Variants in ULK4 observed in about 807,000 individuals in gnomAD.
The protein encoded by ULK4 is inactive serine/threonine-protein kinase ULK4.
ULK4 carries 133 observed loss-of-function variants against 160.6 expected under a neutral mutation model. That is an observed-to-expected ratio of 0.83 (90% CI 0.72 to 0.96). The LOEUF is 0.96. Among genes scored for constraint, ULK4 ranks in the 40% least tolerant of loss-of-function variants. ULK4 has a pLI of 0.00. For synonymous variants in ULK4, 534 were observed against 539.8 expected, an observed-to-expected ratio of 0.99 and a Z score of 0.15; for missense variants, 1,580 against 1,499.5, an observed-to-expected ratio of 1.05 and a Z score of -0.89.
chr3:41,936,267 A>T (rs1391758225), intron 3 of ULK4, among the ~76,000 whole-genome samples: 2 of 152,242 alleles, frequency 1.3e-5, no homozygotes, highest in African/African-American at 4.8e-5. Context: ...CTTAAATCAC[A>T]TTATGCAAAG....
intron 27 of ULK4, among the ~76,000 whole-genome samples, chr3:41,683,388 G>A (rs543724049): frequency 1.3e-5 from 2 of 151,964 alleles, no homozygotes; most frequent in East Asian, 2.0e-4. Context: ...GCTTGTCTGC[G>A]ATCACCAGAC....
chr3:41,946,301 C>T (rs1243729504), intron 2 of ULK4, among the ~76,000 whole-genome samples: 1 of 152,010 alleles, frequency 6.6e-6, no homozygotes, highest in Non-Finnish European at 1.5e-5. Context: ...AAGTACATAC[C>T]ATAGGAACCC....
At chr3:41,674,687 G>T (rs138300594) in intron 29 of ULK4, among the ~76,000 whole-genome samples, 1 of 152,178 alleles carries the variant, frequency 6.6e-6, no homozygotes, top group African/African-American at 2.4e-5. Flanking sequence ...CACCAACTTA[G>T]TAAGTACATA....
chr3:41,585,882 A>C (rs1001474658), intron 31 of ULK4, among the ~76,000 whole-genome samples: 1 of 152,198 alleles, frequency 6.6e-6, no homozygotes, highest in Admixed American at 6.5e-5. Flanking sequence ...GATGAAATAC[A>C]AATTGCCAAC....
intron 20 of ULK4, among the ~76,000 whole-genome samples, chr3:41,795,279 G>T (rs1575721868): frequency 1.3e-5 from 2 of 152,160 alleles, no homozygotes; most frequent in East Asian, 3.9e-4. Context: ...TTTTTGTTAA[G>T]ATTATGATGT....
rs1471670552 is a variant in ULK4 at position 41,420,471 on chromosome 3, CTTTCTTTTTTTT to C, written c.3493-22219_3493-22208del. On this transcript the variant is annotated intron_variant, in intron 34 of 36. Coordinates refer to ENST00000301831, the MANE Select transcript of ULK4 (RefSeq NM_017886.4). The stretch of plus-strand genomic sequence containing the variant: ...TAAGGGATTTTTCAGTTTTCCAGTT[CTTTCTTTTTTTT>C]TTTTTTTTTTTTTTTTTGAGATGGA... Among the ~76,000 whole-genome samples, 6 of 63,248 alleles carry C rather than the reference CTTTCTTTTTTTT, an allele frequency of 9.5e-5. No individual in the cohort carries two copies. In the East Asian group the frequency reaches 1.6e-3, roughly 16 times the overall value. 41.5% of individuals were successfully genotyped at this position (63,248 alleles called of 152,430 possible).
intron 29 of ULK4, among the ~76,000 whole-genome samples, chr3:41,673,343 C>T (rs754165477): frequency 5.3e-5 from 8 of 152,188 alleles, no homozygotes; most frequent in Middle Eastern, 3.4e-3. Context: ...GTCAAACGCA[C>T]GACTTTTGCT....
intron 34 of ULK4, among the ~76,000 whole-genome samples, chr3:41,430,237 A>G (rs902648179): frequency 6.6e-6 from 1 of 152,244 alleles, no homozygotes; most frequent in East Asian, 1.9e-4. Context: ...TACAACTGAA[A>G]GAAGAAAATT....
At chr3:41,370,402 A>G (rs1164767553) in intron 35 of ULK4, among the ~76,000 whole-genome samples, 2 of 152,200 alleles carry the variant, frequency 1.3e-5, no homozygotes, top group African/African-American at 4.8e-5. Context: ...AGCTCCCAGC[A>G]AGACCAACCC....
intron 34 of ULK4, among the ~76,000 whole-genome samples, chr3:41,426,635 T>C (rs1225134718): frequency 1.3e-5 from 2 of 152,050 alleles, no homozygotes; most frequent in East Asian, 1.9e-4. Context: ...CACAACTACA[T>C]AGAAATCGAA....
chr3:41,698,921 A>G (rs1230874926), intron 27 of ULK4, among the ~76,000 whole-genome samples: 5 of 152,152 alleles, frequency 3.3e-5, no homozygotes, highest in Non-Finnish European at 7.3e-5. Context: ...CTTTAGCTCA[A>G]CATTAAATTT....
Position 41,258,836 on chromosome 3 carries a change from TAGAC to T in ULK4, c.3679-9266_3679-9263del, listed in dbSNP as rs570091127. On this transcript the variant is annotated intron_variant, in intron 35 of 36. Coordinates refer to ENST00000301831, the MANE Select transcript of ULK4 (RefSeq NM_017886.4). Reference sequence around the variant, plus strand: ...TACTAAATACATAAATTTCACCTGGTAGACAGGTAATTTTCAAAACATGGGGTCT... The same window carrying T: ...TACTAAATACATAAATTTCACCTGGTAGGTAATTTTCAAAACATGGGGTCT... 3.1e-3 allele frequency among the ~76,000 whole-genome samples: 469 copies of T among 152,154 alleles called. 2 individuals are homozygous for T. Among genetic ancestry groups the T allele is most frequent in the Middle Eastern group, 0.01 (3 of 294 alleles).
chr3:41,675,278 A>C (rs1288995421), intron 29 of ULK4, among the ~76,000 whole-genome samples: 1 of 151,802 alleles, frequency 6.6e-6, no homozygotes, highest in Non-Finnish European at 1.5e-5. Flanking sequence ...GATGTAGTTA[A>C]GAAACCCAAG....
intron 32 of ULK4, among the ~76,000 whole-genome samples, chr3:41,549,445 G>C (rs1201112354): frequency 6.6e-6 from 1 of 151,938 alleles, no homozygotes; most frequent in Non-Finnish European, 1.5e-5. Context: ...TAAAGCAGAA[G>C]ACAGAATTTT....
At chr3:41,347,029 C>T (rs184646519) in intron 35 of ULK4, among the ~76,000 whole-genome samples, 1 of 151,970 alleles carries the variant, frequency 6.6e-6, no homozygotes, top group African/African-American at 2.4e-5. Context: ...AGAATTTAGT[C>T]ACTGGAATCC....
chr3:41,572,079 TCTA>T (rs1247042782), intron 31 of ULK4, among the ~76,000 whole-genome samples: 3 of 152,216 alleles, frequency 2.0e-5, no homozygotes, highest in Admixed American at 1.3e-4. Flanking sequence ...GGGCTATCAT[TCTA>T]CTATTTTTAT....
At chr3:41,644,365 C>A (rs952398950) in intron 30 of ULK4, among the ~76,000 whole-genome samples, 2 of 150,390 alleles carry the variant, frequency 1.3e-5, no homozygotes, top group African/African-American at 4.9e-5. Flanking sequence ...GAGATATGTC[C>A]CATCAATACC....
At chr3:41,954,093 G>A (rs71315516) in intron 2 of ULK4, among the ~76,000 whole-genome samples, 3,359 of 151,506 alleles carry the variant, frequency 0.022, 259 homozygotes, top group East Asian at 0.14. Flanking sequence ...CAGGAGAATG[G>A]CGTGAACCCG....
chr3:41,587,595 A>C (rs1446521748), intron 31 of ULK4, among the ~76,000 whole-genome samples: 1 of 152,190 alleles, frequency 6.6e-6, no homozygotes, highest in Non-Finnish European at 1.5e-5. Context: ...TTCATTTGGT[A>C]CCTTAGTTCC....
Sources: allele counts gnomAD v4.1 joint callset (sites outside exome capture counted in the v4.1 genomes callset), GRCh38; gene constraint gnomAD v4.1.1; transcripts MANE v1.5; gene names NCBI Gene and HGNC (gene_info 2026-07-23, HGNC 2026-07-21).